NOS1AP: variants seen among roughly 807,000 people sequenced by gnomAD.
The protein encoded by NOS1AP is carboxyl-terminal PDZ ligand of neuronal nitric oxide synthase protein.
In NOS1AP, 21 loss-of-function variants were observed where a neutral mutation model predicts 56.2. The ratio of observed to expected loss-of-function variants is 0.37; its 90% CI spans 0.26 to 0.54. The LOEUF (loss-of-function observed/expected upper bound fraction) is 0.54. NOS1AP is among the 20% of genes least tolerant of loss of function. The pLI is 0.84. For missense variants in NOS1AP, 522 were observed against 657.8 expected (o/e 0.79, Z 2.26); for synonymous variants, 270 against 274.6 (o/e 0.98, Z 0.17).
intron 1 of NOS1AP, among the ~76,000 whole-genome samples, chr1:162,151,160 A>G (rs960569297): frequency 2.0e-5 from 3 of 152,226 alleles, no homozygotes. Flanking sequence ...ATAGGAGTCC[A>G]GTTTTATTCT....
intron 2 of NOS1AP, among the ~76,000 whole-genome samples, chr1:162,204,301 G>A (rs182408400): frequency 3.0e-4 from 45 of 152,298 alleles, no homozygotes; most frequent in Non-Finnish European, 4.7e-4. Flanking sequence ...ATTTCTCCAC[G>A]ATGCTCTCCC....
chr1:162,096,587 ATTTAT>A (rs527675615), intron 1 of NOS1AP, among the ~76,000 whole-genome samples: 1,711 of 152,172 alleles, frequency 0.011, 15 homozygotes, highest in Non-Finnish European at 0.019. Flanking sequence ...ACTATCTTGA[ATTTAT>A]TTTATTTTCC....
chr1:162,206,651 T>C (rs1398941611), intron 2 of NOS1AP, among the ~76,000 whole-genome samples: 1 of 152,230 alleles, frequency 6.6e-6, no homozygotes, highest in Non-Finnish European at 1.5e-5. Context: ...AATATACAAG[T>C]AGGCATTCTT....
chr1:162,224,285 A>G (rs1362203061), intron 2 of NOS1AP, among the ~76,000 whole-genome samples: 1 of 152,130 alleles, frequency 6.6e-6, no homozygotes, highest in Non-Finnish European at 1.5e-5. Flanking sequence ...CTGCTTTTTT[A>G]TTCAAGGCAC....
intron 1 of NOS1AP, among the ~76,000 whole-genome samples, chr1:162,137,851 C>T (rs957844850): frequency 2.0e-5 from 3 of 152,066 alleles, no homozygotes; most frequent in African/African-American, 4.8e-5. Context: ...TACATAGCCA[C>T]TTAGGAATCC....
At chr1:162,117,875 C>A (rs1008373193) in intron 1 of NOS1AP, among the ~76,000 whole-genome samples, 2 of 152,106 alleles carry the variant, frequency 1.3e-5, no homozygotes, top group African/African-American at 2.4e-5. Context: ...TTCCACTGTC[C>A]CCTGGGAGCC....
chr1:162,146,985 G>A (rs916814779), intron 1 of NOS1AP, among the ~76,000 whole-genome samples: 6 of 152,110 alleles, frequency 3.9e-5, no homozygotes, highest in African/African-American at 1.4e-4. Flanking sequence ...TCTGATACTA[G>A]CTACTCCAAC....
At chr1:162,192,882 T>C (rs1236879831) in intron 2 of NOS1AP, among the ~76,000 whole-genome samples, 1 of 152,078 alleles carries the variant, frequency 6.6e-6, no homozygotes, top group Non-Finnish European at 1.5e-5. Flanking sequence ...TCCCTTCCTT[T>C]ATAGAGACTA....
At chr1:162,273,160 C>CTTTTTT (rs11429407) in intron 2 of NOS1AP, among the ~76,000 whole-genome samples, 8 of 106,204 alleles carry the variant, frequency 7.5e-5, no homozygotes, top group African/African-American at 1.1e-4. Context: ...AGCCCTTGTT[C>CTTTTTT]TTTTTTTTTT....
At chr1:162,138,581 A>T (rs1571052258) in intron 1 of NOS1AP, among the ~76,000 whole-genome samples, 1 of 152,240 alleles carries the variant, frequency 6.6e-6, no homozygotes, top group East Asian at 1.9e-4. Flanking sequence ...CATCTCTGTG[A>T]CCCTGGCAAG....
intron 1 of NOS1AP, among the ~76,000 whole-genome samples, chr1:162,092,779 T>C (rs1279592076): frequency 1.3e-5 from 2 of 152,178 alleles, no homozygotes; most frequent in African/African-American, 2.4e-5. Context: ...AGATGCAGTG[T>C]GGGGAGGCTT....
intron 2 of NOS1AP, among the ~76,000 whole-genome samples, chr1:162,279,762 G>A (rs1342935855): frequency 6.6e-6 from 1 of 152,184 alleles, no homozygotes; most frequent in Non-Finnish European, 1.5e-5. Flanking sequence ...TTGAATGAAT[G>A]GAGGAATGAA....
chr1:162,231,417 C>T (rs1421713854), intron 2 of NOS1AP, among the ~76,000 whole-genome samples: 4 of 152,138 alleles, frequency 2.6e-5, no homozygotes, highest in Non-Finnish European at 5.9e-5. Context: ...GAAACATTTT[C>T]TTCTGTTCAG....
rs56264198 is a variant in NOS1AP at position 162,125,130 on chromosome 1, C to CTTTTTTTTTTTTTT, written c.106-29267_106-29254dup. ...ATGCCAACATCTATTGTTTCTGACT[C>CTTTTTTTTTTTTTT]TTTTTTTTTTTTTTTTTTTTTAAGA... On this transcript the variant is annotated intron_variant, in intron 1 of 9. Transcript: ENST00000361897. 1.5e-4 allele frequency among the ~76,000 whole-genome samples: 19 copies of CTTTTTTTTTTTTTT among 124,126 alleles called. 1 individual carries two copies. Among genetic ancestry groups the CTTTTTTTTTTTTTT allele is most frequent in the African/African-American group, 5.8e-4 (18 of 30,944 alleles). The allele number at this position is 124,126 out of a possible 152,430, so 81.4% of individuals were successfully genotyped here. A position where few individuals can be genotyped will look rare whatever the true frequency, so the allele number is the denominator to read the frequency against.
intron 2 of NOS1AP, among the ~76,000 whole-genome samples, chr1:162,197,063 C>T (rs1216655915): frequency 1.3e-5 from 2 of 152,204 alleles, no homozygotes; most frequent in Non-Finnish European, 2.9e-5. Flanking sequence ...GCCAGTAAGG[C>T]TCTGCATGGA....
At chr1:162,293,318 A>G (rs557206945) in intron 3 of NOS1AP, among the ~76,000 whole-genome samples, 7 of 152,286 alleles carry the variant, frequency 4.6e-5, no homozygotes, top group African/African-American at 1.7e-4. Flanking sequence ...ACGCCTACTG[A>G]TAATTCTAGT....
intron 2 of NOS1AP, among the ~76,000 whole-genome samples, chr1:162,239,821 T>C (rs1276902067): frequency 1.3e-5 from 2 of 152,212 alleles, no homozygotes; most frequent in African/African-American, 4.8e-5. Context: ...TACAACTCAA[T>C]GAGTATAATG....
At chr1:162,164,014 AGTT>A (rs1303525604) in intron 2 of NOS1AP, among the ~76,000 whole-genome samples, 5 of 152,300 alleles carry the variant, frequency 3.3e-5, no homozygotes, top group Admixed American at 2.0e-4. Flanking sequence ...AAGAGCCAGG[AGTT>A]GTTGTCAAAG....
chr1:162,106,143 G>A (rs1647499274), intron 1 of NOS1AP, among the ~76,000 whole-genome samples: 1 of 152,170 alleles, frequency 6.6e-6, no homozygotes, highest in Non-Finnish European at 1.5e-5. Flanking sequence ...CTCCTGATAC[G>A]TGAGTTGCAA....
Sources: gnomAD v4.1 joint callset for allele counts (sites outside exome capture counted in the v4.1 genomes callset) on GRCh38, gnomAD v4.1.1 for gene constraint, MANE v1.5 for transcripts, NCBI Gene and HGNC (gene_info 2026-07-23, HGNC 2026-07-21) for gene names.